Variants in PSMA2 observed in about 807,000 individuals in gnomAD.
The protein encoded by PSMA2 is proteasome 20S subunit alpha 2, also known as proteasome subunit alpha type-2.
In PSMA2, 2 loss-of-function variants were observed where a neutral mutation model predicts 35.9. The observed-to-expected ratio is 0.06, with a 90% CI of 0.02 to 0.18. The LOEUF (loss-of-function observed/expected upper bound fraction) is 0.18. Ranked by LOEUF, PSMA2 falls within the 10% of genes least tolerant of loss-of-function variation. The probability of loss-of-function intolerance (pLI) is 1.00; values close to 1 mark genes in which losing one functional copy is unlikely to be tolerated. For synonymous variants in PSMA2, 97 were observed against 98.2 expected (o/e 0.99, Z 0.07); for missense variants, 126 against 278.8 (o/e 0.45, Z 3.90).
chr7:42,924,580 A>G (rs2128674243), intron 4 of PSMA2, 95 bp downstream of exon 4: 3 of 1,248,372 alleles, frequency 2.4e-6, no homozygotes, highest in East Asian at 5.4e-5. Flanking sequence ...AAGCAAATAC[A>G]GAAATGGTAA....
In PSMA2 at chr7:42,917,768, C is replaced by G; in HGVS notation, c.588+10G>C. ...TCATTATAAATCCAGTTGTTGAATA[C>G]TGAGCTAACCTTTAGGGTTAAGATG... is the stretch of plus-strand genomic sequence containing the variant. On this transcript the variant is annotated intron_variant, in intron 7 of 7. Coordinates refer to ENST00000223321, the MANE Select transcript of PSMA2 (RefSeq NM_002787.5). 2.5e-6 allele frequency: 4 copies of G among 1,611,080 alleles called. No individual in the cohort carries two copies. The highest frequency in any genetic ancestry group is 3.4e-6 in the Non-Finnish European group (4 of 1,177,704).
chr7:42,924,942 C>T (rs577677150), intron 3 of PSMA2, 145 bp from the exon 4 acceptor site: 3 of 646,916 alleles, frequency 4.6e-6, no homozygotes, highest in South Asian at 2.5e-5. Flanking sequence ...TAGTCTTACT[C>T]TAACACTGGA....
chr7:42,922,472 T>G (rs1786141673), intron 5 of PSMA2, among the ~76,000 whole-genome samples: 1 of 152,116 alleles, frequency 6.6e-6, no homozygotes, highest in Non-Finnish European at 1.5e-5. Context: ...AATTGTTTTT[T>G]AGACACAACA....
chr7:42,927,263 T>G lies in PSMA2; in HGVS notation c.118+120A>C, dbSNP rs1280369199. On this transcript the variant is annotated intron_variant, in intron 2 of 7. Coordinates refer to ENST00000223321, the MANE Select transcript of PSMA2 (RefSeq NM_002787.5). Reference sequence around the variant, plus strand: ...ATTTAAACTCCAAAACACTGTAAATTAACAAAAAATTGTTAAAAATTATAC... The same window carrying G: ...ATTTAAACTCCAAAACACTGTAAATGAACAAAAAATTGTTAAAAATTATAC... The G allele has an allele frequency of 2.5e-5, 23 of 902,822 alleles. No homozygotes were observed. In the South Asian group the frequency reaches 3.9e-4, roughly 15 times the overall value. The allele number at this position is 902,822 out of a possible 1,614,324, so 55.9% of individuals were successfully genotyped here. A position where few individuals can be genotyped will look rare whatever the true frequency, so the allele number is the denominator to read the frequency against.
chr7:42,924,675 C>A lies in PSMA2; in HGVS notation c.374G>T (p.Gly125Val). The change falls in exon 4 of 8, where the codon GGT (glycine) becomes GTT (valine). Residue 125 changes from glycine to valine, a missense_variant and splice_region_variant. Physicochemically the swap from Gly to Val is moderately radical, Grantham distance 109. Coordinates refer to ENST00000223321, the MANE Select transcript of PSMA2 (RefSeq NM_002787.5). ...ASVMQEYTQS[G>V]GVRPFGVSLL... Reference sequence around the variant, plus strand: ...ATTTCAAGTAAAAAAAGCAACTTACCCTGACTGAGTATATTCTTGCATCAC... The same window carrying A: ...ATTTCAAGTAAAAAAAGCAACTTACACTGACTGAGTATATTCTTGCATCAC... 6.2e-7 allele frequency: 1 copy of A among 1,609,290 alleles called. No individual in the cohort carries two copies. The highest frequency in any genetic ancestry group is 1.1e-5 in the South Asian group (1 of 90,452).
At position 42,917,246 on chromosome 7, in the gene PSMA2, A is replaced by T. The variant is rs574002312; in HGVS notation, c.*328T>A. 1 of 190,092 alleles carries T rather than the reference A, an allele frequency of 5.3e-6. No homozygotes were observed. The highest frequency in any genetic ancestry group is 1.2e-4 in the South Asian group (1 of 8,658). The allele number at this position is 190,092 out of a possible 1,614,324, so 11.8% of individuals were successfully genotyped here. A position where few individuals can be genotyped will look rare whatever the true frequency, so the allele number is the denominator to read the frequency against. ...ATTTTGCTTTATGGAAACACAGGCA[A>T]CATCTGATAGCGAAGAGGGCATTAA... On this transcript the variant is annotated 3_prime_UTR_variant, in exon 8 of 8. Transcript: ENST00000223321.
rs543303729 is a variant in PSMA2 at position 42,932,070 on chromosome 7, T to A, written c.41+48A>T. 3.7e-6 allele frequency: 6 copies of A among 1,611,850 alleles called. No homozygotes were observed. The African/African-American group carries it at 6.7e-5, about 18-fold the overall frequency. ...GATGGGAAAAACTAAATCGACAGAG[T>A]ACCAGCAACCTCGACTACGCTGAAG... On this transcript the variant is annotated intron_variant, in intron 1 of 7. Coordinates refer to ENST00000223321, the MANE Select transcript of PSMA2 (RefSeq NM_002787.5).
At chr7:42,922,657 A>T (rs1241436037) in intron 5 of PSMA2, among the ~76,000 whole-genome samples, 1 of 152,074 alleles carries the variant, frequency 6.6e-6, no homozygotes, top group Non-Finnish European at 1.5e-5. Context: ...CAACCAAAAT[A>T]TTTTTCTTTT....
intron 1 of PSMA2, among the ~76,000 whole-genome samples, chr7:42,927,928 G>A (rs1462161675): frequency 6.6e-6 from 1 of 151,244 alleles, no homozygotes; most frequent in Non-Finnish European, 1.5e-5. Flanking sequence ...GAGAAAGACA[G>A]AAAGAAAGAA....
At chr7:42,919,156 A>C (rs1426321074) in intron 6 of PSMA2, 2 of 533,822 alleles carry the variant, frequency 3.7e-6, no homozygotes, top group Non-Finnish European at 7.2e-6. Flanking sequence ...CAGTGCTTGC[A>C]AAGACGGCAA....
chr7:42,926,672 A>T lies in PSMA2; in HGVS notation c.119-4T>A, dbSNP rs1402771350. 2 of 1,535,168 alleles carry T rather than the reference A, an allele frequency of 1.3e-6. No individual in the cohort carries two copies. The highest frequency in any genetic ancestry group is 2.1e-5 in the Admixed American group (1 of 48,596). On this transcript the variant is annotated splice_polypyrimidine_tract_variant and splice_region_variant and intron_variant, in intron 2 of 7. Transcript: ENST00000223321. ...GCTAATACCACACCATTTGCAGCTT[A>T]AAAAAAAAGAGAGAGACATAAATGT...
chr7:42,921,162 CAAAGA>C (rs1270155135), intron 6 of PSMA2: 1 of 152,184 alleles, frequency 6.6e-6, no homozygotes, highest in African/African-American at 2.4e-5. Context: ...GTTCCCAACA[CAAAGA>C]AAAGACAGAT....
chr7:42,920,036 T>C (rs1191431482), intron 6 of PSMA2: 11 of 676,092 alleles, frequency 1.6e-5, no homozygotes, highest in Admixed American at 3.8e-5. Flanking sequence ...CTAGAAGAAA[T>C]TGCTTCAGAG....
chr7:42,927,810 G>A (rs1786236323), intron 1 of PSMA2, among the ~76,000 whole-genome samples: 1 of 151,986 alleles, frequency 6.6e-6, no homozygotes, highest in Non-Finnish European at 1.5e-5. Context: ...GGAGGCTGAG[G>A]CAGGAGAATT....
In PSMA2 at chr7:42,927,417, A is replaced by G. The variant is rs755319348; in HGVS notation, c.84T>C (p.Ala28=). 9.3e-6 allele frequency: 15 copies of G among 1,614,092 alleles called. No individual in the cohort carries two copies. The highest frequency in any genetic ancestry group is 1.7e-5 in the Admixed American group (1 of 60,004). Residue 28 remains alanine (A), a synonymous_variant, in exon 2 of 8, where the codon GCT becomes GCC. Coordinates refer to ENST00000223321, the MANE Select transcript of PSMA2 (RefSeq NM_002787.5). Reference sequence around the variant, plus strand: ...CCACGGACGGGGCTCCTCCAGCTACAGCAGCCAAAGCATATTCAATCTGGA... The same window carrying G: ...CCACGGACGGGGCTCCTCCAGCTACGGCAGCCAAAGCATATTCAATCTGGA... ...KLVQIEYALA[A]VAGGAPSVGI...
intron 3 of PSMA2, among the ~76,000 whole-genome samples, chr7:42,925,760 C>T (rs955894339): frequency 6.6e-6 from 1 of 152,184 alleles, no homozygotes; most frequent in Admixed American, 6.5e-5. Context: ...CTCAGTTTAT[C>T]CTATCAGTGG....
chr7:42,932,016 C>T (rs560274909), intron 1 of PSMA2, 102 bp downstream of exon 1: 2 of 1,457,998 alleles, frequency 1.4e-6, no homozygotes, highest in South Asian at 2.3e-5. Context: ...CCCTACTGGA[C>T]CCTCCAGAAG....
chr7:42,920,789 C>T (rs957028068), intron 6 of PSMA2: 7 of 152,098 alleles, frequency 4.6e-5, no homozygotes, highest in African/African-American at 1.7e-4. Flanking sequence ...ATCTGTTAAA[C>T]GGAGTTACGA....
At chr7:42,924,854 T>C in intron 3 of PSMA2, 57 bp from the exon 4 acceptor site, 1 of 1,524,540 alleles carries the variant, frequency 6.6e-7, no homozygotes, top group Non-Finnish European at 8.9e-7. Flanking sequence ...ACCTGAAGAC[T>C]CATTCTCCTT....
Sources: gnomAD v4.1 joint callset for allele counts (sites outside exome capture counted in the v4.1 genomes callset) on GRCh38, gnomAD v4.1.1 for gene constraint, MANE v1.5 for transcripts, NCBI Gene and HGNC (gene_info 2026-07-23, HGNC 2026-07-21) for gene names.